The following GPC5 variants were observed in gnomAD, a reference collection of about 807,000 sequenced individuals.
GPC5 encodes glypican 5.
GPC5 carries 47 observed loss-of-function variants against 53.9 expected under a neutral mutation model. The ratio of observed to expected loss-of-function variants is 0.87; its 90% confidence interval spans 0.69 to 1.11. The LOEUF (loss-of-function observed/expected upper bound fraction) is 1.11. Among genes scored for constraint, GPC5 ranks in the 50% most tolerant of loss-of-function variants. GPC5 has a pLI of 0.00. For synonymous variants in GPC5, 286 were observed against 263.3 expected (o/e 1.09, Z -0.84); for missense variants, 748 against 713.1 (o/e 1.05, Z -0.56).
rs143632700 is a variant in GPC5, at chr13:92,865,145, G to C, written c.1562-1137G>C. On this transcript the variant is annotated intron_variant, in intron 7 of 7. Coordinates refer to ENST00000377067, the MANE Select transcript of GPC5 (RefSeq NM_004466.6). ...CAATTCTTTCAACCCAGTTAATTAA[G>C]GGGATAGTTTTTTCCTCAACTTGTC... Among the ~76,000 whole-genome samples, 372 of 152,200 alleles carry C rather than the reference G, an allele frequency of 2.4e-3. 2 individuals are homozygous for C. The highest frequency in any genetic ancestry group is 8.7e-3 in the African/African-American group (363 of 41,552).
intron 7 of GPC5, among the ~76,000 whole-genome samples, chr13:92,770,103 C>T (rs1157197596): frequency 6.6e-6 from 1 of 152,052 alleles, no homozygotes; most frequent in Non-Finnish European, 1.5e-5. Flanking sequence ...TTTCCTTACC[C>T]CAAAACCTCT....
intron 7 of GPC5, among the ~76,000 whole-genome samples, chr13:92,462,798 C>A (rs780053215): frequency 6.6e-6 from 1 of 150,412 alleles, no homozygotes; most frequent in Non-Finnish European, 1.5e-5. Context: ...TTCACTGCAA[C>A]CTCTGCCTCC....
chr13:92,125,442 A>G (rs992331214), intron 6 of GPC5, among the ~76,000 whole-genome samples: 1 of 152,190 alleles, frequency 6.6e-6, no homozygotes, highest in Non-Finnish European at 1.5e-5. Flanking sequence ...AGTCCAATGA[A>G]GAGGTATGAA....
rs575918622 is a variant in GPC5, at chr13:92,327,247, C to T, written c.1561+182258C>T. ...ACGCCCAGGTTTAATTTGCAATGTC[C>T]TTGCTTAATTCAAACTTGCCGCTAT... is the stretch of plus-strand genomic sequence containing the variant. On this transcript the variant is annotated intron_variant, in intron 7 of 7. Transcript: ENST00000377067. 3.9e-5 allele frequency among the ~76,000 whole-genome samples: 6 copies of T among 152,252 alleles called. No individual in the cohort carries two copies. The South Asian group carries it at 1.2e-3, about 32-fold the overall frequency.
At chr13:92,451,194 G>T (rs1878046768) in intron 7 of GPC5, among the ~76,000 whole-genome samples, 1 of 152,172 alleles carries the variant, frequency 6.6e-6, no homozygotes, top group Non-Finnish European at 1.5e-5. Flanking sequence ...ATAAACAGCA[G>T]CTGTTCTTTA....
At chr13:92,827,523 T>C (rs2138817093) in intron 7 of GPC5, among the ~76,000 whole-genome samples, 1 of 152,246 alleles carries the variant, frequency 6.6e-6, no homozygotes, top group South Asian at 2.1e-4. Flanking sequence ...CTTCACGTTT[T>C]CCAGTTCTGA....
chr13:92,031,816 C>CATATTATATATAATATGTAATATATTAT (rs2040850557), intron 6 of GPC5, among the ~76,000 whole-genome samples: 1 of 83,842 alleles, frequency 1.2e-5, no homozygotes, highest in Non-Finnish European at 2.2e-5. Flanking sequence ...TAATATATTA[C>CATATTATATATAATATGTAATATATTAT]ATATTATATA....
intron 6 of GPC5, among the ~76,000 whole-genome samples, chr13:92,023,544 C>G (rs940493439): frequency 6.6e-6 from 1 of 151,648 alleles, no homozygotes. Flanking sequence ...ATGAGAAGTA[C>G]TTACATTTTA....
chr13:91,805,374 T>C (rs1278440476), intron 5 of GPC5, among the ~76,000 whole-genome samples: 1 of 152,190 alleles, frequency 6.6e-6, no homozygotes, highest in Non-Finnish European at 1.5e-5. Flanking sequence ...TACTTACAAG[T>C]TGTTGGAAAG....
At chr13:91,940,783 T>C (rs898250588) in intron 6 of GPC5, among the ~76,000 whole-genome samples, 6 of 152,174 alleles carry the variant, frequency 3.9e-5, no homozygotes, top group African/African-American at 1.2e-4. Context: ...ATTGGCCTTT[T>C]GTATGTTTTC....
At chr13:92,159,304 C>A (rs979409800) in intron 7 of GPC5, among the ~76,000 whole-genome samples, 1 of 152,146 alleles carries the variant, frequency 6.6e-6, no homozygotes, top group Non-Finnish European at 1.5e-5. Flanking sequence ...GGCATTACAT[C>A]AAAGCAGAGA....
intron 7 of GPC5, among the ~76,000 whole-genome samples, chr13:92,323,018 T>C (rs2043226133): frequency 6.6e-6 from 1 of 151,908 alleles, no homozygotes; most frequent in South Asian, 2.1e-4. Flanking sequence ...TCAATCTTAC[T>C]ATCAATCTTC....
chr13:91,718,468 T>TC (rs1250433394), intron 3 of GPC5, among the ~76,000 whole-genome samples: 1 of 152,168 alleles, frequency 6.6e-6, no homozygotes, highest in East Asian at 1.9e-4. Context: ...CTCTGTGGTT[T>TC]CTCACAACCT....
chr13:92,432,728 A>G (rs1432500469), intron 7 of GPC5, among the ~76,000 whole-genome samples: 1 of 151,954 alleles, frequency 6.6e-6, no homozygotes, highest in Non-Finnish European at 1.5e-5. Context: ...TTTTTAAGTT[A>G]GAGAAGTCTT....
In GPC5 at chr13:91,728,592, G is replaced by C. The variant is rs763165391; in HGVS notation, c.1081G>C (p.Asp361His). 2 of 1,613,328 alleles carry C rather than the reference G, an allele frequency of 1.2e-6. No homozygotes were observed. The highest frequency in any genetic ancestry group is 1.7e-6 in the Non-Finnish European group (2 of 1,179,516). The change falls in exon 4 of 8, where the codon GAT becomes CAT. Residue 361 changes from aspartate (D) to histidine (H), a missense_variant. By Grantham distance (81) the Asp-to-His change is moderately conservative (BLOSUM62 -1). Coordinates refer to ENST00000377067, the MANE Select transcript of GPC5 (RefSeq NM_004466.6). ...CACACAAAGCCCCCGTTGTTCTTTTGATCAGAGCAAAGAGAAGCATGGAAT... is the reference window on the plus strand; with the variant it reads ...CACACAAAGCCCCCGTTGTTCTTTTCATCAGAGCAAAGAGAAGCATGGAAT... ...TPTQSPRCSF[D>H]QSKEKHGMKT...
chr13:92,615,326 A>G (rs1807686732), intron 7 of GPC5, among the ~76,000 whole-genome samples: 1 of 152,232 alleles, frequency 6.6e-6, no homozygotes, highest in African/African-American at 2.4e-5. Flanking sequence ...TAGACATAAA[A>G]TCAAATGTGT....
chr13:91,546,681 A>G (rs933542758), intron 2 of GPC5, among the ~76,000 whole-genome samples: 2 of 152,104 alleles, frequency 1.3e-5, no homozygotes, highest in Admixed American at 1.3e-4. Context: ...GAGCAATTGG[A>G]AAAATGACCA....
chr13:92,450,723 A>C (rs988974573), intron 7 of GPC5, among the ~76,000 whole-genome samples: 6 of 152,218 alleles, frequency 3.9e-5, no homozygotes, highest in Non-Finnish European at 5.9e-5. Flanking sequence ...TATACATTGC[A>C]TCCCAGCTAC....
intron 7 of GPC5, among the ~76,000 whole-genome samples, chr13:92,788,803 C>A (rs1485070701): frequency 6.6e-6 from 1 of 152,086 alleles, no homozygotes; most frequent in Non-Finnish European, 1.5e-5. Flanking sequence ...ATGCTGGTCT[C>A]ATATTTGTGA....
Sources: gnomAD v4.1 joint callset for allele counts (sites outside exome capture counted in the v4.1 genomes callset) on GRCh38, gnomAD v4.1.1 for gene constraint, MANE v1.5 for transcripts, NCBI Gene and HGNC (gene_info 2026-07-23, HGNC 2026-07-21) for gene names.